PCDHGB1: variants seen among roughly 807,000 people sequenced by gnomAD.
The protein encoded by PCDHGB1 is protocadherin gamma subfamily B, 1, also known as protocadherin gamma-B1.
PCDHGB1 carries 34 observed loss-of-function variants against 56.6 expected under a neutral mutation model. The ratio of observed to expected loss-of-function variants is 0.60; its 90% CI spans 0.46 to 0.80. PCDHGB1 has a LOEUF of 0.80. PCDHGB1 is among the 30% of genes least tolerant of loss of function. The pLI is 0.00. For missense variants in PCDHGB1, 1,278 were observed against 1,204.6 expected, an observed-to-expected ratio of 1.06 and a Z score of -0.90; for synonymous variants, 561 against 505.9, an observed-to-expected ratio of 1.11 and a Z score of -1.46.
chr5:141,383,913 A>G, intron 1 of PCDHGB1: 1 of 1,613,990 alleles, frequency 6.2e-7, no homozygotes, highest in Non-Finnish European at 8.5e-7. Flanking sequence ...TCACAGTTTT[A>G]GATGTAAATG....
At position 141,433,251 on chromosome 5, in the gene PCDHGB1, C is replaced by T. The variant is rs1022165468; in HGVS notation, c.2410-61556C>T. The T allele has an allele frequency of 1.1e-5, 16 of 1,423,126 alleles. No homozygotes were observed. In the East Asian group the frequency reaches 3.7e-4, roughly 33 times the overall value. 88.2% of individuals were successfully genotyped at this position (1,423,126 alleles called of 1,614,324 possible). A position where few individuals can be genotyped will look rare whatever the true frequency, so the allele number is the denominator to read the frequency against. ...CTCTGTCTCCCAAGCTGGAATGCAGCGGTACGATCATAGCTCACTGCAGCC... is the reference window on the plus strand; with the variant it reads ...CTCTGTCTCCCAAGCTGGAATGCAGTGGTACGATCATAGCTCACTGCAGCC... On this transcript the variant is annotated intron_variant, in intron 1 of 3. Transcript: ENST00000523390.
chr5:141,372,138 G>A, intron 1 of PCDHGB1: 1 of 1,613,746 alleles, frequency 6.2e-7, no homozygotes, highest in Non-Finnish European at 8.5e-7. Context: ...GCCGCGCTCT[G>A]CAGAGCCTGG....
intron 1 of PCDHGB1, chr5:141,375,163 A>C (rs1313060581): frequency 1.2e-6 from 2 of 1,613,774 alleles, no homozygotes; most frequent in South Asian, 2.2e-5. Flanking sequence ...CTGAAAGTGC[A>C]CCTCCAGGAA....
Position 141,361,102 on chromosome 5 carries a change from G to C in PCDHGB1, c.2409+8433G>C, listed in dbSNP as rs1025745459. The C allele has an allele frequency of 2.5e-6, 4 of 1,613,888 alleles. No homozygotes were observed. The African/African-American group carries it at 5.3e-5, about 22-fold the overall frequency. On this transcript the variant is annotated intron_variant, in intron 1 of 3. Transcript: ENST00000523390. ...TTACACTCTGAGTATCGAAGCAAAA[G>C]ATCCTGGAGATCTAGCAGCCCACTG...
chr5:141,428,073 G>A (rs2097106496), intron 1 of PCDHGB1: 1 of 1,609,082 alleles, frequency 6.2e-7, no homozygotes, highest in Admixed American at 1.7e-5. Flanking sequence ...CGCAGATTCG[G>A]GACACAACGC....
intron 1 of PCDHGB1, chr5:141,400,651 C>G (rs2094056317): frequency 8.6e-7 from 1 of 1,166,874 alleles, no homozygotes; most frequent in African/African-American, 1.5e-5. Flanking sequence ...GAAAGCTGTC[C>G]TACCATTCTT....
chr5:141,416,615 C>T (rs1156238298), intron 1 of PCDHGB1: 1 of 152,088 alleles, frequency 6.6e-6, no homozygotes, highest in Non-Finnish European at 1.5e-5. Context: ...AATGCCATTT[C>T]TGCAGATCAG....
chr5:141,388,871 C>G, intron 1 of PCDHGB1: 1 of 1,613,930 alleles, frequency 6.2e-7, no homozygotes, highest in Non-Finnish European at 8.5e-7. Flanking sequence ...TTGCGCAATG[C>G]ACAGTGGAGG....
intron 1 of PCDHGB1, chr5:141,422,796 T>C: frequency 6.2e-7 from 1 of 1,614,234 alleles, no homozygotes; most frequent in Middle Eastern, 1.6e-4. Flanking sequence ...CCTTCGACTA[T>C]GAGCAGTTTC....
intron 1 of PCDHGB1, chr5:141,404,921 A>G: frequency 6.2e-7 from 1 of 1,613,804 alleles, no homozygotes; most frequent in South Asian, 1.1e-5. Context: ...TCTCTCGGCC[A>G]CTGTCACGCT....
intron 1 of PCDHGB1, chr5:141,478,400 C>A (rs1295855090): frequency 6.2e-7 from 1 of 1,613,550 alleles, no homozygotes; most frequent in East Asian, 2.2e-5. Context: ...TCAGGTGTAT[C>A]TCACCACGGA....
intron 1 of PCDHGB1, chr5:141,394,148 T>C (rs2092927771): frequency 6.2e-7 from 1 of 1,613,768 alleles, no homozygotes; most frequent in African/African-American, 1.3e-5. Context: ...TGGCAGACAT[T>C]AACGACAACC....
Position 141,393,456 on chromosome 5 carries a change from T to A in PCDHGB1, c.2409+40787T>A. ...TGCTCACCACCTGGTCCTCACGGCC[T>A]CGGATGGCGGCAAGCCGCCTCGCTC... On this transcript the variant is annotated intron_variant, in intron 1 of 3. Coordinates refer to ENST00000523390, the MANE Select transcript of PCDHGB1 (RefSeq NM_018922.3). 1 of 1,614,026 alleles carries A rather than the reference T, an allele frequency of 6.2e-7. No individual in the cohort carries two copies. Among genetic ancestry groups the A allele is most frequent in the African/African-American group, 1.3e-5 (1 of 75,058 alleles).
chr5:141,366,329 A>G (rs1342085917), intron 1 of PCDHGB1: 1 of 1,613,868 alleles, frequency 6.2e-7, no homozygotes, highest in South Asian at 1.1e-5. Flanking sequence ...CGTGGCCGAC[A>G]GGATCCCTGA....
chr5:141,461,228 A>C (rs1472527415), intron 1 of PCDHGB1, among the ~76,000 whole-genome samples: 1 of 151,976 alleles, frequency 6.6e-6, no homozygotes, highest in Non-Finnish European at 1.5e-5. Flanking sequence ...TTTTCCATAG[A>C]GGTTGTACTA....
At chr5:141,451,124 A>T (rs2098707796) in intron 1 of PCDHGB1, among the ~76,000 whole-genome samples, 1 of 152,102 alleles carries the variant, frequency 6.6e-6, no homozygotes, top group Non-Finnish European at 1.5e-5. Context: ...CACCACACCC[A>T]GCCTTATGAT....
intron 1 of PCDHGB1, chr5:141,409,266 A>G (rs1285539149): frequency 1.1e-5 from 17 of 1,613,922 alleles, no homozygotes; most frequent in Non-Finnish European, 1.4e-5. Flanking sequence ...CTCTCTGATC[A>G]GATTTTGGAG....
chr5:141,409,273 G>A, intron 1 of PCDHGB1: 1 of 1,613,958 alleles, frequency 6.2e-7, no homozygotes, highest in South Asian at 1.1e-5. Context: ...ATCAGATTTT[G>A]GAGAATTCAC....
In PCDHGB1 at chr5:141,370,660, G is replaced by A. The variant is rs199537402; in HGVS notation, c.2409+17991G>A. 3.1e-6 allele frequency: 5 copies of A among 1,613,752 alleles called. No individual in the cohort carries two copies. The Admixed American group carries it at 5.0e-5, about 16-fold the overall frequency. ...AATGGGAACTTACTTGTGAGCGACC[G>A]TATAGACCGAGAGGAGATTTGTGGC... On this transcript the variant is annotated intron_variant, in intron 1 of 3. Transcript: ENST00000523390.
Sources: gnomAD v4.1 joint callset for allele counts (sites outside exome capture counted in the v4.1 genomes callset) on GRCh38, gnomAD v4.1.1 for gene constraint, MANE v1.5 for transcripts, NCBI Gene and HGNC (gene_info 2026-07-23, HGNC 2026-07-21) for gene names.